Variants in ANGPTL6 observed in about 807,000 individuals in gnomAD.
The protein encoded by ANGPTL6 is angiopoietin like 6.
In ANGPTL6, 45 loss-of-function variants were observed where a neutral mutation model predicts 47.4. The observed-to-expected ratio is 0.95, with a 90% CI of 0.75 to 1.22. The LOEUF (loss-of-function observed/expected upper bound fraction) is 1.22. ANGPTL6 is among the 50% of genes most tolerant of loss of function. ANGPTL6 has a pLI of 0.00. For missense variants in ANGPTL6, 698 were observed against 669.4 expected (o/e 1.04, Z -0.47); for synonymous variants, 290 against 295.9 (o/e 0.98, Z 0.20).
At chr19:10,098,105 T>G (rs2088591893) in intron 1 of ANGPTL6, among the ~76,000 whole-genome samples, 1 of 151,800 alleles carries the variant, frequency 6.6e-6, no homozygotes, top group Non-Finnish European at 1.5e-5. Flanking sequence ...TTGCCTAGGC[T>G]GGTCTCCCCT....
Position 10,096,273 on chromosome 19 carries a change from G to C in ANGPTL6, c.291C>G (p.Arg97=). Residue 97 remains arginine, a synonymous_variant, in exon 2 of 6, where the codon CGC becomes CGG. Transcript: ENST00000253109. ...GAVAGEVRAL[R]KESRGLSARL... ...GCGCGCTCAGGCCGCGGCTCTCCTT[G>C]CGCAGCGCGCGCACCTCGCCGGCCA... 1.7e-6 allele frequency: 2 copies of C among 1,205,476 alleles called. No individual in the cohort carries two copies. The highest frequency in any genetic ancestry group is 2.1e-6 in the Non-Finnish European group (2 of 973,304). 74.7% of individuals were successfully genotyped at this position (1,205,476 alleles called of 1,614,324 possible). A position where few individuals can be genotyped will look rare whatever the true frequency, so the allele number is the denominator to read the frequency against.
chr19:10,098,020 A>T (rs2145177856), intron 1 of ANGPTL6, among the ~76,000 whole-genome samples: 1 of 150,794 alleles, frequency 6.6e-6, no homozygotes, highest in Non-Finnish European at 1.5e-5. Context: ...AAAAAAAAAA[A>T]AAAAGGAACT....
chr19:10,094,734 T>C lies in ANGPTL6; in HGVS notation c.763+24A>G, dbSNP rs916514749. The C allele has an allele frequency of 2.5e-6, 4 of 1,613,892 alleles. No individual in the cohort carries two copies. In the African/African-American group the frequency reaches 5.3e-5, roughly 22 times the overall value. On this transcript the variant is annotated intron_variant, in intron 3 of 5. Coordinates refer to ENST00000253109, the MANE Select transcript of ANGPTL6 (RefSeq NM_031917.3). ...TCCTCAATTTTCCTCTACCCACAAT[T>C]CCTCAGCCCTAATGTCGACTTACCC... is the stretch of plus-strand genomic sequence containing the variant.
intron 1 of ANGPTL6, among the ~76,000 whole-genome samples, chr19:10,099,622 C>T (rs933029337): frequency 1.3e-5 from 2 of 151,618 alleles, no homozygotes; most frequent in African/African-American, 4.8e-5. Context: ...CTGCCATATC[C>T]CCTTCTGCCC....
chr19:10,101,824 AG>A (rs1251289277), intron 1 of ANGPTL6, among the ~76,000 whole-genome samples: 12 of 107,168 alleles, frequency 1.1e-4, no homozygotes, highest in African/African-American at 4.0e-4. Context: ...AAAAAAAAAA[AG>A]GCCAGGTGCG....
intron 1 of ANGPTL6, among the ~76,000 whole-genome samples, chr19:10,101,804 CAAA>C (rs1019332736): frequency 1.1e-4 from 6 of 54,094 alleles, no homozygotes; most frequent in Non-Finnish European, 1.8e-4. Flanking sequence ...GAGCAAGGCT[CAAA>C]AAAAAAAAAA....
rs769478685 is a variant in ANGPTL6, at chr19:10,092,714, C to T, written c.1288G>A (p.Gly430Ser). Residue 430 changes from glycine (G) to serine (S), a missense_variant, in exon 6 of 6, where the codon GGT becomes AGT. Physicochemically the swap from Gly to Ser is moderately conservative, Grantham distance 56. Coordinates refer to ENST00000253109, the MANE Select transcript of ANGPTL6 (RefSeq NM_031917.3). ...TAGTGGCCGCCGTGGTGCCACACAC[C>T]GTTGAGGTTGGAGTGGGCACAGGCA... The part of the protein sequence containing the change: ...YHACAHSNLN[G>S]VWHHGGHYRS... 5.1e-5 allele frequency: 82 copies of T among 1,613,812 alleles called. No individual in the cohort carries two copies. The highest frequency in any genetic ancestry group is 2.2e-5 in the East Asian group (1 of 44,888).
chr19:10,093,229 G>T, intron 5 of ANGPTL6, 120 bp downstream of exon 5: 3 of 1,322,634 alleles, frequency 2.3e-6, no homozygotes, highest in Non-Finnish European at 3.1e-6. Flanking sequence ...CGGAATAAAA[G>T]CTTGCTTATC....
At position 10,094,868 on chromosome 19, in the gene ANGPTL6, C is replaced by G. The variant is rs1287874513; in HGVS notation, c.653G>C (p.Arg218Thr). The G allele has an allele frequency of 1.2e-6, 2 of 1,614,094 alleles. No homozygotes were observed. The highest frequency in any genetic ancestry group is 3.3e-5 in the Admixed American group (2 of 59,998). The change falls in exon 3 of 6, where the codon AGG (arginine) becomes ACG (threonine). Residue 218 changes from arginine to threonine, a missense_variant. Transcript: ENST00000253109. ...GGGCTCTGGGGCTGGGTCCAGCATC[C>G]TACTGGTGTCACTGGTGCTACCCAC... ...RLVGSTSDTS[R>T]MLDPAPEPQR...
In ANGPTL6 at chr19:10,093,614, G is replaced by A; in HGVS notation, c.957C>T (p.Gly319=). 1.9e-6 allele frequency: 3 copies of A among 1,613,502 alleles called. No homozygotes were observed. The highest frequency in any genetic ancestry group is 2.5e-6 in the Non-Finnish European group (3 of 1,179,544). ...AGTATTCTCCGTCTGGCCGCCCAAAGCCCGCCTGGCAGGGCAGGAAAGTCA... is the reference window on the plus strand; with the variant it reads ...AGTATTCTCCGTCTGGCCGCCCAAAACCCGCCTGGCAGGGCAGGAAAGTCA... ...FFTTWQHYKA[G]FGRPDGEYWL... The change falls in exon 5 of 6, where the codon GGC becomes GGT. Residue 319 remains glycine (G), a synonymous_variant. Transcript: ENST00000253109.
chr19:10,096,380 G>C lies in ANGPTL6; in HGVS notation c.184C>G (p.Leu62Val), dbSNP rs1285335120. Residue 62 changes from leucine to valine, a missense_variant, in exon 2 of 6, where the codon CTG becomes GTG. Coordinates refer to ENST00000253109, the MANE Select transcript of ANGPTL6 (RefSeq NM_031917.3). Reference protein sequence around the residue: ...ATPEAANASELAALRMRVGRH... With the variant: ...ATPEAANASEVAALRMRVGRH... ...CCGACGCGCATGCGCAGCGCCGCCAGCTCGCTGGCGTTGGCGGCCTCGGGC... is the reference window on the plus strand; with the variant it reads ...CCGACGCGCATGCGCAGCGCCGCCACCTCGCTGGCGTTGGCGGCCTCGGGC... The C allele has an allele frequency of 3.9e-6, 5 of 1,298,266 alleles. No homozygotes were observed. The highest frequency in any genetic ancestry group is 4.2e-5 in the Admixed American group (1 of 23,836). 80.4% of individuals were successfully genotyped at this position (1,298,266 alleles called of 1,614,324 possible). A position where few individuals can be genotyped will look rare whatever the true frequency, so the allele number is the denominator to read the frequency against.
chr19:10,098,397 G>A (rs764155887), intron 1 of ANGPTL6, among the ~76,000 whole-genome samples: 11 of 152,030 alleles, frequency 7.2e-5, no homozygotes, highest in East Asian at 5.9e-4. Context: ...TAAAGAATAC[G>A]CAGGTCTGTG....
upstream of ANGPTL6, chr19:10,106,187 G>A (rs2088815719): frequency 1.2e-6 from 1 of 853,126 alleles, no homozygotes. Flanking sequence ...CCGGAGCCGC[G>A]TAGCCCCGCC....
In ANGPTL6 at chr19:10,093,440, A is replaced by G; in HGVS notation, c.1131T>C (p.Leu377=). The change falls in exon 5 of 6, where the codon CTT becomes CTC. Residue 377 remains leucine, a synonymous_variant. Coordinates refer to ENST00000253109, the MANE Select transcript of ANGPTL6 (RefSeq NM_031917.3). ...EPESDHYRLR[L]GQYHGDAGDS... is the part of the protein sequence containing the mutation. ...CTCCAGCATCACCATGGTACTGGCCAAGCCGCAGGCGGTAGTGGTCGCTCT... is the reference window on the plus strand; with the variant it reads ...CTCCAGCATCACCATGGTACTGGCCGAGCCGCAGGCGGTAGTGGTCGCTCT... The G allele has an allele frequency of 6.2e-7, 1 of 1,614,218 alleles. No homozygotes were observed. The highest frequency in any genetic ancestry group is 8.5e-7 in the Non-Finnish European group (1 of 1,180,038).
intron 1 of ANGPTL6, among the ~76,000 whole-genome samples, chr19:10,100,104 C>T (rs1244822939): frequency 6.7e-6 from 1 of 148,406 alleles, no homozygotes; most frequent in Non-Finnish European, 1.5e-5. Context: ...AAAAAATTAG[C>T]TGGGCGTGGT....
chr19:10,092,699 CGTG>C lies in ANGPTL6; in HGVS notation c.1300_1302del (p.His434del). On this transcript the variant is annotated inframe_deletion, in exon 6 of 6. Transcript: ENST00000253109. ...TGGTAGCGGCTTCGGTAGTGGCCGC[CGTG>C]GTGCCACACACCGTTGAGGTTGGAG... is the stretch of plus-strand genomic sequence containing the variant. 1 of 1,614,026 alleles carries C rather than the reference CGTG, an allele frequency of 6.2e-7. No homozygotes were observed. Among genetic ancestry groups the C allele is most frequent in the Middle Eastern group, 1.7e-4 (1 of 6,054 alleles).
chr19:10,101,567 G>A (rs879256952), intron 1 of ANGPTL6, among the ~76,000 whole-genome samples: 1 of 152,006 alleles, frequency 6.6e-6, no homozygotes, highest in Non-Finnish European at 1.5e-5. Context: ...CAGCACTTTG[G>A]GAGGCCGAGG....
chr19:10,093,738 C>A lies in ANGPTL6; in HGVS notation c.906G>T (p.Arg302Ser). The change falls in exon 4 of 6, where the codon AGG (arginine) becomes AGT (serine). Residue 302 changes from arginine to serine, a missense_variant. Arg to Ser is a moderately radical substitution (Grantham distance 110). Transcript: ENST00000253109. The part of the protein sequence containing the change: ...EGGGWTVIQR[R>S]QDGSVNFFTT... ...TGAAGAAGTTGACTGAACCATCTTG[C>A]CTCCGCTGGATCACAGTCCAGCCTC... 5 of 1,614,280 alleles carry A rather than the reference C, an allele frequency of 3.1e-6. No individual in the cohort carries two copies. The highest frequency in any genetic ancestry group is 4.2e-6 in the Non-Finnish European group (5 of 1,180,054).
At chr19:10,103,326 C>T (rs2088727512), upstream of ANGPTL6, among the ~76,000 whole-genome samples, 2 of 151,818 alleles carry the variant, frequency 1.3e-5, no homozygotes, top group Non-Finnish European at 2.9e-5. Flanking sequence ...TGCAGTGGCT[C>T]ATGCCTGAAA....
Sources: gnomAD v4.1 joint callset for allele counts (sites outside exome capture counted in the v4.1 genomes callset) on GRCh38, gnomAD v4.1.1 for gene constraint, MANE v1.5 for transcripts, NCBI Gene and HGNC (gene_info 2026-07-23, HGNC 2026-07-21) for gene names.